Variants in PCM1 observed in about 807,000 individuals in gnomAD.
The protein encoded by PCM1 is pericentriolar material 1 protein.
Under a neutral mutation model 241.9 loss-of-function variants are expected in PCM1, and 157 were observed. The ratio of observed to expected loss-of-function variants is 0.65; its 90% CI spans 0.57 to 0.74. The LOEUF is 0.74. PCM1 is among the 30% of genes least tolerant of loss of function. The pLI, the probability that PCM1 is intolerant of heterozygous loss-of-function variation, is 0.00. For missense variants in PCM1, 3,478 were observed against 2,360.1 expected, an observed-to-expected ratio of 1.47 and a Z score of -9.81; for synonymous variants, 1,085 against 784.9, an observed-to-expected ratio of 1.38 and a Z score of -6.39.
chr8:17,953,227 C>T (rs1483641555), intron 9 of PCM1, 41 bp downstream of exon 9: 1 of 1,021,186 alleles, frequency 9.8e-7, no homozygotes, highest in Non-Finnish European at 1.5e-6. Flanking sequence ...ATAAGACACA[C>T]AAGTATATAT....
intron 2 of PCM1, chr8:17,926,034 G>A (rs1266868611): frequency 2.0e-5 from 3 of 151,314 alleles, no homozygotes; most frequent in Non-Finnish European, 4.4e-5. Context: ...TAACAAAACA[G>A]GGCAAGAAAA....
At chr8:17,953,670 T>C (rs1323371883) in intron 9 of PCM1, among the ~76,000 whole-genome samples, 1 of 152,204 alleles carries the variant, frequency 6.6e-6, no homozygotes, top group Non-Finnish European at 1.5e-5. Flanking sequence ...GCTGGATTTA[T>C]ATTCATTTTT....
Position 17,937,251 on chromosome 8 carries a change from G to C in PCM1, c.214G>C (p.Val72Leu). Residue 72 changes from valine to leucine, a missense_variant, in exon 4 of 39, where the codon GTT becomes CTT. Transcript: ENST00000325083. ...NDISPESSPGVGRRRTKTPHT... is the reference protein window; with the variant it reads ...NDISPESSPGLGRRRTKTPHT... The stretch of plus-strand genomic sequence containing the variant: ...TATTTCTCCGGAGTCGTCACCAGGA[G>C]TTGGAAGGCGAAGAACAAAGACTCC... The C allele has an allele frequency of 3.7e-6, 6 of 1,611,430 alleles. No homozygotes were observed. Among genetic ancestry groups the C allele is most frequent in the Non-Finnish European group, 5.1e-6 (6 of 1,178,360 alleles).
intron 24 of PCM1, chr8:17,983,137 T>G: frequency 2.2e-6 from 1 of 453,642 alleles, no homozygotes; most frequent in Non-Finnish European, 3.5e-6. Flanking sequence ...GAAATTCGCT[T>G]ATTTCTTTTT....
intron 6 of PCM1, among the ~76,000 whole-genome samples, chr8:17,944,689 C>T (rs1216670669): frequency 1.3e-5 from 2 of 152,086 alleles, no homozygotes; most frequent in Non-Finnish European, 2.9e-5. Flanking sequence ...TGTTATTACT[C>T]CTACCTAGAT....
intron 6 of PCM1, 138 bp from the exon 7 acceptor site, chr8:17,947,048 C>T: frequency 1.9e-6 from 1 of 515,314 alleles, no homozygotes; most frequent in Non-Finnish European, 3.5e-6. Context: ...ACTCTTTTTT[C>T]TTGATGTCTA....
At chr8:17,974,570 C>T (rs1352352307) in intron 23 of PCM1, among the ~76,000 whole-genome samples, 2 of 152,152 alleles carry the variant, frequency 1.3e-5, no homozygotes, top group African/African-American at 2.4e-5. Flanking sequence ...CTGTGGACTA[C>T]ACTTCAAGTA....
Position 18,025,658 on chromosome 8 carries a change from G to T in PCM1, c.6049G>T (p.Glu2017Ter), listed in dbSNP as rs1323527298. Residue 2017 changes from glutamate (E) to a stop codon, truncating the protein, a stop_gained and splice_region_variant, in exon 38 of 39, where the codon GAA (glutamate) becomes TAA (stop). Transcript: ENST00000325083. LOFTEE classifies it high-confidence loss of function. The part of the protein sequence containing the change: ...AGNSETLKEP[E>*]TVGAQSI ...AAATTCTGAGACACTAAAAGAACCTGGTAAGAGTTATCAATTTAAATCTTG... is the reference window on the plus strand; with the variant it reads ...AAATTCTGAGACACTAAAAGAACCTTGTAAGAGTTATCAATTTAAATCTTG... The T allele has an allele frequency of 6.7e-7, 1 of 1,481,912 alleles. No individual in the cohort carries two copies. The highest frequency in any genetic ancestry group is 1.4e-5 in the African/African-American group (1 of 71,836). The allele number at this position is 1,481,912 out of a possible 1,614,324, so 91.8% of individuals were successfully genotyped here.
At chr8:18,011,474 C>CT in intron 33 of PCM1, 108 bp downstream of exon 33, 3 of 1,144,044 alleles carry the variant, frequency 2.6e-6, no homozygotes, top group Non-Finnish European at 3.6e-6. Context: ...TCAAAGAACT[C>CT]TGATTTTGAA....
rs557227007 is a variant in PCM1 at position 17,935,959 on chromosome 8, T to C, written c.96+253T>C. ...GGAAACCATGTTTAAGACATGCAGC[T>C]GGGTTTTAGGAAGGGATTTGGAGAA... On this transcript the variant is annotated intron_variant, in intron 3 of 38. Coordinates refer to ENST00000325083, the MANE Select transcript of PCM1 (RefSeq NM_006197.4). 1.6e-4 allele frequency among the ~76,000 whole-genome samples: 25 copies of C among 152,256 alleles called. 1 individual carries two copies. The Middle Eastern group carries it at 0.01, about 62-fold the overall frequency.
intron 29 of PCM1, among the ~76,000 whole-genome samples, chr8:18,004,130 G>T (rs1269780739): frequency 1.3e-5 from 2 of 151,822 alleles, no homozygotes; most frequent in African/African-American, 2.4e-5. Context: ...TTACTTTTTT[G>T]TGTCTGATTT....
intron 8 of PCM1, among the ~76,000 whole-genome samples, chr8:17,951,365 T>G (rs921344608): frequency 3.9e-5 from 6 of 152,202 alleles, no homozygotes; most frequent in African/African-American, 1.2e-4. Context: ...CCCAACCACT[T>G]TGGAGAGTTA....
chr8:17,986,237 G>C (rs2082546152), intron 26 of PCM1, 150 bp downstream of exon 26: 1 of 507,198 alleles, frequency 2.0e-6, no homozygotes, highest in Non-Finnish European at 3.3e-6. Context: ...ATTTTATTTT[G>C]AGGGCGAGAT....
chr8:18,002,830 G>A (rs942997542), intron 29 of PCM1, among the ~76,000 whole-genome samples: 7 of 121,046 alleles, frequency 5.8e-5, no homozygotes, highest in Non-Finnish European at 9.3e-5. Context: ...GGTCAGTGAT[G>A]ATGAGCATTT....
In PCM1 at chr8:18,025,595, G is replaced by A. The variant is rs200443998; in HGVS notation, c.5986G>A (p.Gly1996Ser). ...VEEEQKNHLSGEICEMQTEEL... is the reference protein window; with the variant it reads ...VEEEQKNHLSSEICEMQTEEL... ...AGAAGAACAGAAAAACCATTTATCT[G>A]GTGAAATATGTGAAATGCAGACCGA... The change falls in exon 38 of 39, where the codon GGT (glycine) becomes AGT (serine). Residue 1996 changes from glycine to serine, a missense_variant. By Grantham distance (56) the Gly-to-Ser change is moderately conservative (BLOSUM62 0). Coordinates refer to ENST00000325083, the MANE Select transcript of PCM1 (RefSeq NM_006197.4). The A allele has an allele frequency of 3.4e-4, 543 of 1,586,220 alleles. 2 individuals are homozygous for A. The highest frequency in any genetic ancestry group is 5.1e-5 in the Non-Finnish European group (60 of 1,165,402).
chr8:17,954,582 C>G (rs2067332221), intron 9 of PCM1, among the ~76,000 whole-genome samples: 1 of 152,258 alleles, frequency 6.6e-6, no homozygotes, highest in Middle Eastern at 3.4e-3. Flanking sequence ...GTGAGAGCAG[C>G]AGCAAAAGGT....
At chr8:17,953,837 T>C (rs1335969900) in intron 9 of PCM1, among the ~76,000 whole-genome samples, 8 of 144,360 alleles carry the variant, frequency 5.5e-5, no homozygotes, top group Non-Finnish European at 1.5e-5. Context: ...ATCCAAATAG[T>C]AATAGAGGCT....
intron 6 of PCM1, among the ~76,000 whole-genome samples, chr8:17,940,797 T>C (rs1231754185): frequency 1.3e-5 from 2 of 152,212 alleles, no homozygotes; most frequent in African/African-American, 4.8e-5. Flanking sequence ...GAAAGATTTC[T>C]AAAACTTAGT....
In PCM1 at chr8:18,010,709, G is replaced by A. The variant is rs552673021; in HGVS notation, c.5220+41G>A. The A allele has an allele frequency of 2.1e-5, 30 of 1,444,338 alleles. No homozygotes were observed. In the East Asian group the frequency reaches 2.2e-4, roughly 11 times the overall value. The allele number at this position is 1,444,338 out of a possible 1,614,324, so 89.5% of individuals were successfully genotyped here. A position where few individuals can be genotyped will look rare whatever the true frequency, so the allele number is the denominator to read the frequency against. The stretch of plus-strand genomic sequence containing the variant: ...TTTTTGCCTAAAAATATGGCTGGGC[G>A]CGGTGGCTCACCCCCGTAATCGCAG... On this transcript the variant is annotated intron_variant, in intron 32 of 38. Coordinates refer to ENST00000325083, the MANE Select transcript of PCM1 (RefSeq NM_006197.4).
Sources: allele counts gnomAD v4.1 joint callset (sites outside exome capture counted in the v4.1 genomes callset), GRCh38; gene constraint gnomAD v4.1.1; transcripts MANE v1.5; gene names NCBI Gene and HGNC (gene_info 2026-07-23, HGNC 2026-07-21).